The following GRM8 variants were observed in gnomAD, a reference collection of about 807,000 sequenced individuals.
The protein encoded by GRM8 is glutamate metabotropic receptor 8.
In GRM8, 47 loss-of-function variants were observed where a neutral mutation model predicts 87.2. That is an observed-to-expected ratio of 0.54 (90% CI 0.43 to 0.69). GRM8 has a LOEUF of 0.69. GRM8 is among the 30% of genes least tolerant of loss of function. The probability of loss-of-function intolerance (pLI) is 0.00; values close to 1 mark genes in which losing one functional copy is unlikely to be tolerated. For missense variants in GRM8, 1,019 were observed against 1,139.2 expected, an observed-to-expected ratio of 0.89 and a Z score of 1.52; for synonymous variants, 396 against 404.5, an observed-to-expected ratio of 0.98 and a Z score of 0.25.
chr7:126,595,839 A>G (rs992481976), intron 8 of GRM8, among the ~76,000 whole-genome samples: 6 of 152,192 alleles, frequency 3.9e-5, no homozygotes, highest in African/African-American at 1.4e-4. Context: ...TCTTTATGAT[A>G]GAATGATTTA....
chr7:127,160,709 G>A (rs1162044282), intron 2 of GRM8, among the ~76,000 whole-genome samples: 2 of 152,124 alleles, frequency 1.3e-5, no homozygotes, highest in African/African-American at 4.8e-5. Context: ...TCTGGCAAAA[G>A]AGAAGCCTCT....
chr7:126,691,573 A>C (rs62477945), intron 7 of GRM8, among the ~76,000 whole-genome samples: 26,368 of 152,140 alleles, frequency 0.17, 2,385 homozygotes, highest in African/African-American at 0.2. Flanking sequence ...AGCCAGTGTC[A>C]TGGCAACAGC....
intron 7 of GRM8, among the ~76,000 whole-genome samples, chr7:126,628,372 A>G (rs1800904497): frequency 6.6e-6 from 1 of 152,134 alleles, no homozygotes; most frequent in African/African-American, 2.4e-5. Context: ...TTGCCTGCAA[A>G]TGTTTGAGTA....
At chr7:127,239,130 T>A (rs774756577) in intron 2 of GRM8, among the ~76,000 whole-genome samples, 2 of 152,194 alleles carry the variant, frequency 1.3e-5, no homozygotes, top group Admixed American at 6.5e-5. Flanking sequence ...GAAGATGTTG[T>A]CTCCTTCACA....
At chr7:126,975,113 G>A (rs1038070850) in intron 3 of GRM8, among the ~76,000 whole-genome samples, 6 of 152,082 alleles carry the variant, frequency 3.9e-5, no homozygotes, top group African/African-American at 1.4e-4. Flanking sequence ...TCCATAGACT[G>A]TTTATGAAAC....
chr7:127,040,286 G>A (rs1818302321), intron 3 of GRM8, among the ~76,000 whole-genome samples: 1 of 152,028 alleles, frequency 6.6e-6, no homozygotes, highest in South Asian at 2.1e-4. Flanking sequence ...GAGCTGTTGG[G>A]TTTGTCAGTT....
intron 6 of GRM8, among the ~76,000 whole-genome samples, chr7:126,893,812 A>G (rs1256967098): frequency 6.6e-6 from 1 of 151,936 alleles, no homozygotes; most frequent in Non-Finnish European, 1.5e-5. Context: ...AGTAAGCTCT[A>G]ATCACACTTA....
chr7:127,165,788 T>A (rs186429785), intron 2 of GRM8, among the ~76,000 whole-genome samples: 10 of 152,280 alleles, frequency 6.6e-5, no homozygotes, highest in East Asian at 3.9e-4. Flanking sequence ...TTATTCCACC[T>A]CTTTACTCCC....
chr7:127,077,756 C>G (rs1047691136), intron 3 of GRM8, among the ~76,000 whole-genome samples: 1 of 152,210 alleles, frequency 6.6e-6, no homozygotes. Flanking sequence ...CTTATTTTTA[C>G]TCTTCTTTCT....
intron 9 of GRM8, among the ~76,000 whole-genome samples, chr7:126,467,098 A>G (rs1352489139): frequency 2.6e-5 from 4 of 151,850 alleles, no homozygotes; most frequent in Non-Finnish European, 5.9e-5. Flanking sequence ...GCACCCATCA[A>G]CCCATCATCT....
At chr7:126,998,694 ATTAAC>A (rs1195585975) in intron 3 of GRM8, among the ~76,000 whole-genome samples, 2 of 151,726 alleles carry the variant, frequency 1.3e-5, no homozygotes, top group African/African-American at 2.4e-5. Flanking sequence ...ATACAAAGGA[ATTAAC>A]TTAAAGAACT....
At position 126,533,785 on chromosome 7, in the gene GRM8, G is replaced by A; in HGVS notation, c.1597C>T (p.Pro533Ser). 1 of 1,613,952 alleles carries A rather than the reference G, an allele frequency of 6.2e-7. No homozygotes were observed. The highest frequency in any genetic ancestry group is 8.5e-7 in the Non-Finnish European group (1 of 1,179,910). ...GERKKTVKGV[P>S]CCWHCERCEG... is the part of the protein sequence containing the mutation. Reference sequence around the variant, plus strand: ...CAGCGTTCACAGTGCCAGCAGCAAGGGACCCCTTTCACCGTTTTCTTCCTC... The same window carrying A: ...CAGCGTTCACAGTGCCAGCAGCAAGAGACCCCTTTCACCGTTTTCTTCCTC... Residue 533 changes from proline to serine, a missense_variant, in exon 9 of 11, where the codon CCT becomes TCT. Coordinates refer to ENST00000339582, the MANE Select transcript of GRM8 (RefSeq NM_000845.3).
intron 6 of GRM8, among the ~76,000 whole-genome samples, chr7:126,790,076 C>T (rs1322993071): frequency 6.6e-6 from 1 of 151,706 alleles, no homozygotes; most frequent in Non-Finnish European, 1.5e-5. Context: ...GGCACAATCT[C>T]GGCTCACTGC....
At chr7:126,591,472 A>G (rs572966394) in intron 8 of GRM8, among the ~76,000 whole-genome samples, 4 of 152,132 alleles carry the variant, frequency 2.6e-5, no homozygotes, top group Non-Finnish European at 5.9e-5. Context: ...GAGGTCATCA[A>G]GACAGAAAGT....
At position 127,235,628 on chromosome 7, in the gene GRM8, C is replaced by A. The variant is rs375871335; in HGVS notation, c.510+7067G>T. 1.3e-4 allele frequency among the ~76,000 whole-genome samples: 20 copies of A among 152,284 alleles called. No individual in the cohort carries two copies. The East Asian group carries it at 3.1e-3, about 23-fold the overall frequency. On this transcript the variant is annotated intron_variant, in intron 2 of 10. Coordinates refer to ENST00000339582, the MANE Select transcript of GRM8 (RefSeq NM_000845.3). ...TCCATCCATATGATTAAAAACCAAG[C>A]AATTATTAAAAAAATAAAGTCCTGC... is the stretch of plus-strand genomic sequence containing the variant.
intron 7 of GRM8, among the ~76,000 whole-genome samples, chr7:126,654,905 T>C (rs11768717): frequency 0.13 from 20,020 of 152,030 alleles, 1,574 homozygotes; most frequent in South Asian, 0.2. Flanking sequence ...CAGTAGGAAA[T>C]ATTCAAGAAA....
chr7:126,881,716 GC>G (rs1189441717), intron 6 of GRM8, among the ~76,000 whole-genome samples: 1 of 152,112 alleles, frequency 6.6e-6, no homozygotes, highest in Admixed American at 6.6e-5. Flanking sequence ...GTCACTTTGA[GC>G]AACTTTGCTT....
chr7:126,923,488 G>A (rs956108152), intron 3 of GRM8, among the ~76,000 whole-genome samples: 1 of 152,100 alleles, frequency 6.6e-6, no homozygotes, highest in African/African-American at 2.4e-5. Flanking sequence ...GATATTGTTT[G>A]CAATATAATA....
chr7:127,247,312 T>C (rs1314655119), intron 1 of GRM8, among the ~76,000 whole-genome samples: 1 of 152,224 alleles, frequency 6.6e-6, no homozygotes, highest in African/African-American at 2.4e-5. Flanking sequence ...CACATCTTCC[T>C]TGGGCATTTA....
Sources: gnomAD v4.1 joint callset for allele counts (sites outside exome capture counted in the v4.1 genomes callset) on GRCh38, gnomAD v4.1.1 for gene constraint, MANE v1.5 for transcripts, NCBI Gene and HGNC (gene_info 2026-07-23, HGNC 2026-07-21) for gene names.